The following CDH18 variants were observed in gnomAD, a reference collection of about 807,000 sequenced individuals.
The protein encoded by CDH18 is cadherin-18.
Under a neutral mutation model 67.9 loss-of-function variants are expected in CDH18, and 31 were observed. That is an observed-to-expected ratio of 0.46 (90% CI 0.34 to 0.62). The LOEUF (loss-of-function observed/expected upper bound fraction) is 0.62. Ranked by LOEUF, CDH18 falls within the 20% of genes least tolerant of loss-of-function variation. CDH18 has a pLI of 0.01. For missense variants in CDH18, 890 were observed against 975.5 expected (o/e 0.91, Z 1.17); for synonymous variants, 362 against 347.2 (o/e 1.04, Z -0.48).
intron 10 of CDH18, among the ~76,000 whole-genome samples, chr5:19,512,503 G>A (rs1745281497): frequency 6.6e-6 from 1 of 151,968 alleles, no homozygotes; most frequent in African/African-American, 2.4e-5. Context: ...TGCTAACAAG[G>A]GTAACATTTA....
Position 20,421,123 on chromosome 5 carries a change from AG to A in CDH18, c.-580+154338del, listed in dbSNP as rs566094618. ...TTTGCCTTGTTTAATGCTGTCACCA[AG>A]AACTCAGGCATTTGATTCACTTGTT... On this transcript the variant is annotated intron_variant, in intron 1 of 14. Coordinates refer to the CDH18 transcript ENST00000507958. 5.3e-5 allele frequency among the ~76,000 whole-genome samples: 8 copies of A among 151,150 alleles called. No individual in the cohort carries two copies. In the South Asian group the frequency reaches 1.5e-3, roughly 27 times the overall value.
chr5:20,176,161 A>G (rs1413756076), intron 2 of CDH18, among the ~76,000 whole-genome samples: 6 of 152,118 alleles, frequency 3.9e-5, no homozygotes, highest in African/African-American at 1.2e-4. Context: ...GCAGTTTTAC[A>G]TGCATGCTCA....
chr5:20,443,159 G>A (rs61473789), intron 1 of CDH18, among the ~76,000 whole-genome samples: 32,115 of 130,420 alleles, frequency 0.25, 4,111 homozygotes, highest in African/African-American at 0.31. Flanking sequence ...GCAGTGAGCC[G>A]AGATCCCGCC....
chr5:20,426,788 T>C (rs1375317235), intron 1 of CDH18, among the ~76,000 whole-genome samples: 2 of 151,158 alleles, frequency 1.3e-5, no homozygotes, highest in African/African-American at 4.9e-5. Context: ...CAATATAACT[T>C]TTAATGATAT....
At chr5:19,871,625 TGA>T (rs574869214) in intron 2 of CDH18, among the ~76,000 whole-genome samples, 112 of 152,240 alleles carry the variant, frequency 7.4e-4, no homozygotes, top group African/African-American at 2.6e-3. Context: ...AAAAATAAAA[TGA>T]GATAAGGATA....
chr5:20,499,262 C>G (rs558056834), intron 1 of CDH18, among the ~76,000 whole-genome samples: 1 of 152,014 alleles, frequency 6.6e-6, no homozygotes, highest in Non-Finnish European at 1.5e-5. Context: ...GCACATCTTC[C>G]TATATATTTT....
At position 19,482,652 on chromosome 5, in the gene CDH18, CAAT is replaced by C. The variant is rs201569646; in HGVS notation, c.1882+646_1882+648del. Among the ~76,000 whole-genome samples, 1,377 of 151,984 alleles carry C rather than the reference CAAT, an allele frequency of 9.1e-3. 26 individuals are homozygous for C. Among genetic ancestry groups the C allele is most frequent in the African/African-American group, 0.031 (1,301 of 41,458 alleles). ...GGTGTGCAACATGATGATGTTTTCCCAATAATAGTTTTCACTATTATTACACAG... is the reference window on the plus strand; with the variant it reads ...GGTGTGCAACATGATGATGTTTTCCCAATAGTTTTCACTATTATTACACAG... On this transcript the variant is annotated intron_variant, in intron 12 of 12. Transcript: ENST00000382275.
intron 1 of CDH18, among the ~76,000 whole-genome samples, chr5:20,573,470 T>A (rs926854643): frequency 1.3e-5 from 2 of 151,790 alleles, no homozygotes; most frequent in Admixed American, 6.6e-5. Flanking sequence ...AAATTCAAAG[T>A]AATTTGTATA....
chr5:20,101,549 C>T (rs189771536), intron 2 of CDH18, among the ~76,000 whole-genome samples: 263 of 152,184 alleles, frequency 1.7e-3, no homozygotes, highest in African/African-American at 6.1e-3. Flanking sequence ...TGGTAGGATC[C>T]CTAAGGCATC....
At chr5:19,731,678 T>A (rs1053334834) in intron 4 of CDH18, among the ~76,000 whole-genome samples, 1 of 152,214 alleles carries the variant, frequency 6.6e-6, no homozygotes, top group Non-Finnish European at 1.5e-5. Context: ...AGAACTCAAA[T>A]AATCGTCGAA....
At chr5:20,525,220 C>T (rs1041201671) in intron 1 of CDH18, among the ~76,000 whole-genome samples, 5 of 152,136 alleles carry the variant, frequency 3.3e-5, no homozygotes, top group Non-Finnish European at 5.9e-5. Context: ...GACTGCTGGA[C>T]AGATTCACTA....
chr5:20,309,125 T>G (rs1736763471), intron 1 of CDH18, among the ~76,000 whole-genome samples: 1 of 152,174 alleles, frequency 6.6e-6, no homozygotes, highest in African/African-American at 2.4e-5. Flanking sequence ...TGGGAAAAAT[T>G]TCTTATGCTT....
intron 2 of CDH18, among the ~76,000 whole-genome samples, chr5:20,218,115 T>C (rs892740263): frequency 1.3e-5 from 2 of 151,796 alleles, no homozygotes; most frequent in African/African-American, 4.8e-5. Context: ...GTCATCTAGA[T>C]AGAAAATCAA....
At chr5:20,050,168 C>T (rs1020153170) in intron 2 of CDH18, among the ~76,000 whole-genome samples, 7 of 151,766 alleles carry the variant, frequency 4.6e-5, no homozygotes, top group Admixed American at 2.0e-4. Flanking sequence ...TAGAATTTTG[C>T]CTTTGGGCAA....
chr5:20,099,934 C>A (rs539773532), intron 2 of CDH18, among the ~76,000 whole-genome samples: 1 of 152,066 alleles, frequency 6.6e-6, no homozygotes, highest in African/African-American at 2.4e-5. Context: ...TAGCCGCACA[C>A]CACCACGCCC....
intron 1 of CDH18, among the ~76,000 whole-genome samples, chr5:20,436,443 T>C (rs944116922): frequency 1.3e-5 from 2 of 151,914 alleles, no homozygotes; most frequent in Non-Finnish European, 2.9e-5. Flanking sequence ...TGTAACTTAC[T>C]TTCACTGTTC....
At chr5:20,188,848 C>CAAAA (rs11390844) in intron 2 of CDH18, among the ~76,000 whole-genome samples, 5,054 of 125,020 alleles carry the variant, frequency 0.04, 305 homozygotes, top group African/African-American at 0.12. Flanking sequence ...ATTTTCTAGG[C>CAAAA]AAAAAAAAAA....
rs7727783 is a variant in CDH18, at chr5:20,425,774, G to A, written c.-580+149688C>T. Among the ~76,000 whole-genome samples the A allele has an allele frequency of 1.1e-3, 168 of 151,074 alleles. 1 individual carries two copies. Among genetic ancestry groups the A allele is most frequent in the Non-Finnish European group, 1.8e-3 (119 of 67,980 alleles). On this transcript the variant is annotated intron_variant, in intron 1 of 14. Transcript: ENST00000507958. ...GATTTTAAACAATCTGTCATATTTA[G>A]CTTGAAATTCAGCCATACATATTAA...
intron 11 of CDH18, among the ~76,000 whole-genome samples, chr5:19,495,717 C>CAAAAAAAAAAAAAA (rs749003068): frequency 6.4e-5 from 3 of 46,546 alleles, no homozygotes; most frequent in Non-Finnish European, 1.2e-4. Flanking sequence ...GAAACTGTCT[C>CAAAAAAAAAAAAAA]AAAAAAAAAA....
Sources: gnomAD v4.1 joint callset for allele counts (sites outside exome capture counted in the v4.1 genomes callset) on GRCh38, gnomAD v4.1.1 for gene constraint, MANE v1.5 for transcripts, NCBI Gene and HGNC (gene_info 2026-07-23, HGNC 2026-07-21) for gene names.